CCSER1: variants seen among roughly 807,000 people sequenced by gnomAD.
CCSER1 encodes coiled-coil serine rich protein 1, also known as serine-rich coiled-coil domain-containing protein 1.
Under a neutral mutation model 82.0 loss-of-function variants are expected in CCSER1, and 41 were observed. The observed-to-expected ratio is 0.50, with a 90% confidence interval of 0.39 to 0.65. CCSER1 has a LOEUF of 0.65. Among genes scored for constraint, CCSER1 ranks in the 30% least tolerant of loss-of-function variants. The pLI is 0.00. For missense variants in CCSER1, 1,119 were observed against 1,064.2 expected, an observed-to-expected ratio of 1.05 and a Z score of -0.72; for synonymous variants, 414 against 383.9, an observed-to-expected ratio of 1.08 and a Z score of -0.92.
At position 91,169,170 on chromosome 4, in the gene CCSER1, C is replaced by T. The variant is rs570587449; in HGVS notation, c.2217+83176C>T. 1.4e-3 allele frequency among the ~76,000 whole-genome samples: 198 copies of T among 137,138 alleles called. 2 individuals are homozygous for T. In the South Asian group the frequency reaches 0.041, roughly 28 times the overall value. 90.0% of individuals were successfully genotyped at this position (137,138 alleles called of 152,430 possible). On this transcript the variant is annotated intron_variant, in intron 10 of 10. Coordinates refer to ENST00000509176, the MANE Select transcript of CCSER1 (RefSeq NM_001145065.2). Reference sequence around the variant, plus strand: ...TATGACCCTGCCACATCCCCCTCTCCGAGAAACACCCAAGAATGATCAATA... The same window carrying T: ...TATGACCCTGCCACATCCCCCTCTCTGAGAAACACCCAAGAATGATCAATA...
At chr4:91,522,362 C>T (rs973509404) in intron 10 of CCSER1, among the ~76,000 whole-genome samples, 1 of 152,134 alleles carries the variant, frequency 6.6e-6, no homozygotes, top group African/African-American at 2.4e-5. Flanking sequence ...GCTATGTGAG[C>T]TCTATTTTGG....
rs145099652 is a variant in CCSER1 at position 90,617,344 on chromosome 4, G to T, written c.1725-10681G>T. 2.7e-3 allele frequency among the ~76,000 whole-genome samples: 418 copies of T among 152,212 alleles called. 4 individuals carry two copies. The highest frequency in any genetic ancestry group is 9.5e-3 in the African/African-American group (395 of 41,544). ...CTTTGGTTGTATTAAGAAGAGGGCT[G>T]AGTTTTTATTCTCATCTCTGTTTCA... On this transcript the variant is annotated intron_variant, in intron 5 of 10. Transcript: ENST00000509176.
At chr4:90,709,044 C>T (rs941479152) in intron 6 of CCSER1, among the ~76,000 whole-genome samples, 10 of 151,942 alleles carry the variant, frequency 6.6e-5, no homozygotes, top group Non-Finnish European at 1.0e-4. Context: ...TTAAGAATGT[C>T]ATCACAACAT....
chr4:90,688,515 T>A (rs1187010333), intron 6 of CCSER1, among the ~76,000 whole-genome samples: 1 of 152,074 alleles, frequency 6.6e-6, no homozygotes, highest in Non-Finnish European at 1.5e-5. Context: ...ATATCAAAAC[T>A]CAGTACTCTA....
At chr4:90,439,254 C>T (rs1309514163) in intron 4 of CCSER1, among the ~76,000 whole-genome samples, 1 of 152,150 alleles carries the variant, frequency 6.6e-6, no homozygotes, top group Non-Finnish European at 1.5e-5. Context: ...CACCACTGCA[C>T]TCTAGCCCGT....
intron 3 of CCSER1, among the ~76,000 whole-genome samples, chr4:90,382,660 G>A (rs1749384786): frequency 6.6e-6 from 1 of 152,052 alleles, no homozygotes; most frequent in African/African-American, 2.4e-5. Flanking sequence ...TGCCTATGAT[G>A]TACTACTTCT....
At chr4:91,193,449 G>C (rs1735164422) in intron 10 of CCSER1, among the ~76,000 whole-genome samples, 1 of 152,274 alleles carries the variant, frequency 6.6e-6, no homozygotes, top group Non-Finnish European at 1.5e-5. Context: ...AGTATTGAAA[G>C]AACCCTGGAT....
At chr4:91,469,415 G>T (rs565262524) in intron 10 of CCSER1, among the ~76,000 whole-genome samples, 225 of 152,282 alleles carry the variant, frequency 1.5e-3, no homozygotes, top group African/African-American at 5.1e-3. Flanking sequence ...TTTTAAGGCA[G>T]ATTTTTCGTT....
intron 5 of CCSER1, among the ~76,000 whole-genome samples, chr4:90,598,779 G>A (rs1350796168): frequency 1.3e-5 from 2 of 152,046 alleles, no homozygotes; most frequent in African/African-American, 4.8e-5. Context: ...TACCTCACTG[G>A]GCCTAGGTTC....
At chr4:90,157,013 T>A (rs540382781) in intron 1 of CCSER1, among the ~76,000 whole-genome samples, 36 of 152,322 alleles carry the variant, frequency 2.4e-4, no homozygotes, top group African/African-American at 8.7e-4. Flanking sequence ...GGCTGGTACC[T>A]GTTGTTCCTT....
intron 5 of CCSER1, among the ~76,000 whole-genome samples, chr4:90,515,600 A>G (rs1028880880): frequency 6.6e-6 from 1 of 152,242 alleles, no homozygotes; most frequent in Non-Finnish European, 1.5e-5. Context: ...ACATGATAGT[A>G]ATAATGATAA....
At chr4:90,297,818 C>T (rs939896497) in intron 1 of CCSER1, among the ~76,000 whole-genome samples, 3 of 152,012 alleles carry the variant, frequency 2.0e-5, no homozygotes, top group African/African-American at 7.3e-5. Flanking sequence ...GTATATTGAA[C>T]CAGCCTTGCA....
intron 1 of CCSER1, among the ~76,000 whole-genome samples, chr4:90,233,313 G>A (rs1362084230): frequency 6.6e-6 from 1 of 152,072 alleles, no homozygotes; most frequent in African/African-American, 2.4e-5. Context: ...ATGAGTTCAT[G>A]TCCTTTGTAG....
chr4:90,950,515 C>T (rs1299498337), intron 9 of CCSER1, among the ~76,000 whole-genome samples: 2 of 150,326 alleles, frequency 1.3e-5, no homozygotes, highest in East Asian at 2.0e-4. Flanking sequence ...TACACACACA[C>T]GTGCACGCGT....
intron 3 of CCSER1, among the ~76,000 whole-genome samples, chr4:90,380,831 T>C (rs1749084744): frequency 6.6e-6 from 1 of 152,224 alleles, no homozygotes; most frequent in Non-Finnish European, 1.5e-5. Context: ...TAATAGTTAA[T>C]TCATTTAAGA....
chr4:90,686,837 G>A (rs1734892924), intron 6 of CCSER1, among the ~76,000 whole-genome samples: 1 of 152,136 alleles, frequency 6.6e-6, no homozygotes, highest in Non-Finnish European at 1.5e-5. Context: ...TGCCAATTTA[G>A]TGTTTTAAAG....
At chr4:90,955,998 A>G (rs990592648) in intron 9 of CCSER1, among the ~76,000 whole-genome samples, 30 of 152,204 alleles carry the variant, frequency 2.0e-4, no homozygotes, top group African/African-American at 7.2e-4. Context: ...ATATATATAT[A>G]TCAATGCATT....
At chr4:90,930,580 T>C (rs1011108803) in intron 9 of CCSER1, among the ~76,000 whole-genome samples, 1 of 151,164 alleles carries the variant, frequency 6.6e-6, no homozygotes, top group African/African-American at 2.4e-5. Context: ...GCCACTGCAC[T>C]CCAGCCTGGG....
chr4:91,423,055 T>C (rs955242747), intron 10 of CCSER1, among the ~76,000 whole-genome samples: 4 of 152,192 alleles, frequency 2.6e-5, no homozygotes, highest in Admixed American at 1.3e-4. Flanking sequence ...CAGTTTTATA[T>C]GGCATGAAAA....
Sources: gnomAD v4.1 joint callset for allele counts (sites outside exome capture counted in the v4.1 genomes callset) on GRCh38, gnomAD v4.1.1 for gene constraint, MANE v1.5 for transcripts, NCBI Gene and HGNC (gene_info 2026-07-23, HGNC 2026-07-21) for gene names.